NEDD4L: variants seen among roughly 807,000 people sequenced by gnomAD.
NEDD4L encodes NEDD4 like E3 ubiquitin protein ligase.
NEDD4L carries 54 observed loss-of-function variants against 148.9 expected under a neutral mutation model. The observed-to-expected ratio is 0.36, with a 90% confidence interval of 0.29 to 0.45. The LOEUF is 0.45. Ranked by LOEUF, NEDD4L falls within the 20% of genes least tolerant of loss-of-function variation. The probability of loss-of-function intolerance (pLI) is 1.00; values close to 1 mark genes in which losing one functional copy is unlikely to be tolerated. For missense variants in NEDD4L, 856 were observed against 1,233.8 expected (o/e 0.69, Z 4.59); for synonymous variants, 433 against 440.7 (o/e 0.98, Z 0.22).
At chr18:58,386,186 G>A (rs1418758529) in intron 26 of NEDD4L, among the ~76,000 whole-genome samples, 2 of 152,092 alleles carry the variant, frequency 1.3e-5, no homozygotes, top group Admixed American at 1.3e-4. Flanking sequence ...CCAAGTAGCT[G>A]GGACTACAGG....
chr18:58,111,829 T>A (rs181080136), intron 1 of NEDD4L, among the ~76,000 whole-genome samples: 6 of 152,306 alleles, frequency 3.9e-5, no homozygotes, highest in African/African-American at 1.4e-4. Flanking sequence ...TGTTTTCATT[T>A]CTCTTGGGTT....
chr18:58,390,983 T>C (rs935434167), intron 29 of NEDD4L, among the ~76,000 whole-genome samples: 4 of 143,546 alleles, frequency 2.8e-5, no homozygotes, highest in African/African-American at 5.3e-5. Context: ...AAGGCTGCTC[T>C]TTTTTTTTTT....
At chr18:58,264,304 G>A (rs1424449858) in intron 5 of NEDD4L, among the ~76,000 whole-genome samples, 1 of 151,972 alleles carries the variant, frequency 6.6e-6, no homozygotes, top group African/African-American at 2.4e-5. Context: ...TTGCACCCTC[G>A]GTTGAAATTA....
intron 1 of NEDD4L, among the ~76,000 whole-genome samples, chr18:58,061,817 T>A (rs1361257474): frequency 6.6e-6 from 1 of 152,232 alleles, no homozygotes; most frequent in African/African-American, 2.4e-5. Flanking sequence ...TTTGATTTGC[T>A]AGAGGTAAGG....
intron 5 of NEDD4L, among the ~76,000 whole-genome samples, chr18:58,267,606 C>G (rs2050404334): frequency 1.3e-5 from 2 of 152,032 alleles, no homozygotes. Context: ...GGGAGTTAGT[C>G]TCCCCCTTAG....
intron 1 of NEDD4L, among the ~76,000 whole-genome samples, chr18:58,164,211 A>C (rs1210997543): frequency 1.3e-5 from 2 of 151,940 alleles, no homozygotes; most frequent in Admixed American, 6.6e-5. Context: ...CTTTCTAGCT[A>C]GCTAGCTGTT....
intron 1 of NEDD4L, among the ~76,000 whole-genome samples, chr18:58,120,122 C>T (rs1373849646): frequency 2.0e-5 from 3 of 152,224 alleles, no homozygotes; most frequent in Non-Finnish European, 4.4e-5. Flanking sequence ...CTCTTCAGAA[C>T]CCATGAAACC....
At chr18:58,120,389 A>C (rs1050107457) in intron 1 of NEDD4L, among the ~76,000 whole-genome samples, 4 of 152,234 alleles carry the variant, frequency 2.6e-5, no homozygotes, top group African/African-American at 4.8e-5. Flanking sequence ...CAGTTACCTC[A>C]CTGGGATTTG....
chr18:58,335,664 C>T (rs568460036), intron 13 of NEDD4L, 127 bp downstream of exon 13: 36 of 729,160 alleles, frequency 4.9e-5, no homozygotes, highest in Middle Eastern at 2.4e-4. Flanking sequence ...GAGCTGCACA[C>T]GTTTCTTATT....
chr18:58,251,996 T>G lies in NEDD4L; in HGVS notation c.244-5T>G, dbSNP rs774563820. On this transcript the variant is annotated splice_polypyrimidine_tract_variant and splice_region_variant and intron_variant, in intron 4 of 30. Coordinates refer to ENST00000400345, the MANE Select transcript of NEDD4L (RefSeq NM_001144967.3). Reference sequence around the variant, plus strand: ...TTTAAAAAATACTATTTATGTTCCTTATAGGTAAACCCATCTAATCACAGA... The same window carrying G: ...TTTAAAAAATACTATTTATGTTCCTGATAGGTAAACCCATCTAATCACAGA... 1 of 1,522,056 alleles carries G rather than the reference T, an allele frequency of 6.6e-7. No individual in the cohort carries two copies. Among genetic ancestry groups the G allele is most frequent in the Non-Finnish European group, 9.1e-7 (1 of 1,096,280 alleles). 94.3% of individuals were successfully genotyped at this position (1,522,056 alleles called of 1,614,324 possible). A position where few individuals can be genotyped will look rare whatever the true frequency, so the allele number is the denominator to read the frequency against.
intron 2 of NEDD4L, among the ~76,000 whole-genome samples, chr18:58,183,121 C>T (rs2039038843): frequency 6.6e-6 from 1 of 152,198 alleles, no homozygotes; most frequent in Non-Finnish European, 1.5e-5. Flanking sequence ...CACCGGACAG[C>T]AGTCACTGAA....
rs561310481 is a variant in NEDD4L at position 58,229,771 on chromosome 18, C to T, written c.123-15656C>T. On this transcript the variant is annotated intron_variant, in intron 2 of 30. Coordinates refer to ENST00000400345, the MANE Select transcript of NEDD4L (RefSeq NM_001144967.3). ...CTTTGGGAGGCCGAGGCGGGCGGAT[C>T]GTGAGGTCAGGAGATCAAGACTATC... 2.6e-5 allele frequency among the ~76,000 whole-genome samples: 4 copies of T among 152,108 alleles called. No homozygotes were observed. In the South Asian group the frequency reaches 8.3e-4, roughly 32 times the overall value.
At chr18:58,373,658 T>G (rs2047181960) in intron 24 of NEDD4L, among the ~76,000 whole-genome samples, 1 of 152,226 alleles carries the variant, frequency 6.6e-6, no homozygotes, top group African/African-American at 2.4e-5. Flanking sequence ...TTGGTTTTTC[T>G]CTCTGTTTTA....
chr18:58,333,537 G>A (rs2041313649), intron 11 of NEDD4L, among the ~76,000 whole-genome samples: 1 of 152,164 alleles, frequency 6.6e-6, no homozygotes, highest in Non-Finnish European at 1.5e-5. Flanking sequence ...TTAGAGTGTT[G>A]CAGAGTCCTG....
intron 11 of NEDD4L, among the ~76,000 whole-genome samples, chr18:58,331,486 A>C (rs577885160): frequency 6.6e-6 from 1 of 152,340 alleles, no homozygotes; most frequent in African/African-American, 2.4e-5. Flanking sequence ...CACTGTCATC[A>C]AGGTAGCATT....
chr18:58,227,328 TAGG>T (rs2044484005), intron 2 of NEDD4L, among the ~76,000 whole-genome samples: 1 of 152,118 alleles, frequency 6.6e-6, no homozygotes, highest in African/African-American at 2.4e-5. Flanking sequence ...CCCGGAGACT[TAGG>T]AGGGTCTGTG....
At chr18:58,067,652 T>A (rs1473413635) in intron 1 of NEDD4L, among the ~76,000 whole-genome samples, 1 of 152,212 alleles carries the variant, frequency 6.6e-6, no homozygotes, top group East Asian at 1.9e-4. Flanking sequence ...TTTGCCACAC[T>A]TTTAGTGCTC....
chr18:58,324,390 T>C (rs2144362022), intron 8 of NEDD4L, among the ~76,000 whole-genome samples: 1 of 152,300 alleles, frequency 6.6e-6, no homozygotes, highest in East Asian at 1.9e-4. Context: ...GTAGAGGGCC[T>C]GAGTAGAAGG....
intron 5 of NEDD4L, 110 bp from the exon 6 acceptor site, chr18:58,315,872 C>T: frequency 2.0e-6 from 2 of 977,202 alleles, no homozygotes; most frequent in East Asian, 4.8e-5. Flanking sequence ...CCTCCACATT[C>T]CAGTGCCAGG....
Sources: allele counts gnomAD v4.1 joint callset (sites outside exome capture counted in the v4.1 genomes callset), GRCh38; gene constraint gnomAD v4.1.1; transcripts MANE v1.5; gene names NCBI Gene and HGNC (gene_info 2026-07-23, HGNC 2026-07-21).